COL25A1: variants seen among roughly 807,000 people sequenced by gnomAD.
COL25A1 encodes the protein collagen alpha-1(XXV) chain.
In COL25A1, 103 loss-of-function variants were observed where a neutral mutation model predicts 128.4. That is an observed-to-expected ratio of 0.80 (90% confidence interval 0.68 to 0.94). COL25A1 has a LOEUF of 0.94. COL25A1 is among the 40% of genes least tolerant of loss of function. The probability of loss-of-function intolerance (pLI) is 0.00; values close to 1 mark genes in which losing one functional copy is unlikely to be tolerated. For missense variants in COL25A1, 745 were observed against 840.0 expected, an observed-to-expected ratio of 0.89 and a Z score of 1.40; for synonymous variants, 279 against 277.2, an observed-to-expected ratio of 1.01 and a Z score of -0.06.
At chr4:109,027,277 G>T (rs942807887) in intron 5 of COL25A1, among the ~76,000 whole-genome samples, 5 of 152,092 alleles carry the variant, frequency 3.3e-5, no homozygotes, top group African/African-American at 9.7e-5. Context: ...GGGTGGTCAT[G>T]GGGGGGCCTT....
At chr4:109,008,343 T>C (rs10020151) in intron 6 of COL25A1, among the ~76,000 whole-genome samples, 39,029 of 152,100 alleles carry the variant, frequency 0.26, 5,510 homozygotes, top group East Asian at 0.45. Flanking sequence ...CTCAGCAGGA[T>C]TGAGCCCCAT....
chr4:109,135,784 T>G (rs1043148169), intron 3 of COL25A1, among the ~76,000 whole-genome samples: 2 of 152,214 alleles, frequency 1.3e-5, no homozygotes, highest in Non-Finnish European at 2.9e-5. Context: ...TTGGGTTTTT[T>G]TCCCCCAAAG....
intron 3 of COL25A1, among the ~76,000 whole-genome samples, chr4:109,271,617 A>T (rs887513252): frequency 2.0e-5 from 3 of 152,170 alleles, no homozygotes; most frequent in African/African-American, 2.4e-5. Context: ...ATTAAATGTT[A>T]TTGAGTGTCA....
intron 3 of COL25A1, among the ~76,000 whole-genome samples, chr4:109,279,343 C>CT (rs1422598574): frequency 1.3e-5 from 2 of 152,138 alleles, no homozygotes; most frequent in Non-Finnish European, 2.9e-5. Context: ...GGTGCAGTGA[C>CT]TCATGCCAGT....
intron 5 of COL25A1, among the ~76,000 whole-genome samples, chr4:109,024,184 T>C (rs1450262820): frequency 6.6e-6 from 1 of 152,082 alleles, no homozygotes; most frequent in Non-Finnish European, 1.5e-5. Context: ...GGCTAAGCTA[T>C]GATGGGCAGT....
chr4:109,141,733 A>G (rs1770424874), intron 3 of COL25A1, among the ~76,000 whole-genome samples: 2 of 152,192 alleles, frequency 1.3e-5, no homozygotes, highest in African/African-American at 4.8e-5. Flanking sequence ...AGGTGTTTAT[A>G]GTATTCTCTG....
chr4:109,104,274 G>A (rs1447691378), intron 3 of COL25A1, among the ~76,000 whole-genome samples: 2 of 152,108 alleles, frequency 1.3e-5, no homozygotes, highest in African/African-American at 2.4e-5. Context: ...TTGGGATGCT[G>A]AGGTGGGAGA....
intron 3 of COL25A1, among the ~76,000 whole-genome samples, chr4:109,136,126 G>A (rs749565437): frequency 8.5e-5 from 13 of 152,244 alleles, no homozygotes; most frequent in African/African-American, 7.2e-5. Context: ...GGCCAGGCAC[G>A]GTGGCTCACA....
intron 13 of COL25A1, among the ~76,000 whole-genome samples, chr4:108,915,155 A>G (rs147260130): frequency 6.6e-6 from 1 of 152,326 alleles, no homozygotes; most frequent in Non-Finnish European, 1.5e-5. Context: ...CCTTTCTCCT[A>G]ATACAGTCAG....
At chr4:109,087,253 A>G (rs1764483947) in intron 3 of COL25A1, among the ~76,000 whole-genome samples, 1 of 152,262 alleles carries the variant, frequency 6.6e-6, no homozygotes, top group South Asian at 2.1e-4. Context: ...AAAAAAAAAA[A>G]ATCAAAACCA....
chr4:108,969,022 C>G (rs1751627963), intron 8 of COL25A1, among the ~76,000 whole-genome samples: 1 of 152,104 alleles, frequency 6.6e-6, no homozygotes, highest in South Asian at 2.1e-4. Flanking sequence ...AACCTGACTA[C>G]AACTCCAGGG....
chr4:108,944,696 C>CAAA (rs34005319), intron 8 of COL25A1, among the ~76,000 whole-genome samples: 4 of 143,332 alleles, frequency 2.8e-5, no homozygotes, highest in African/African-American at 7.6e-5. Flanking sequence ...AAAATGCTCA[C>CAAA]AAAAAAAAAA....
Position 109,128,182 on chromosome 4 carries a change from C to T in COL25A1, c.368-78003G>A, listed in dbSNP as rs561901883. Among the ~76,000 whole-genome samples, 10 of 152,196 alleles carry T rather than the reference C, an allele frequency of 6.6e-5. No homozygotes were observed. The East Asian group carries it at 1.4e-3, about 21-fold the overall frequency. On this transcript the variant is annotated intron_variant, in intron 3 of 37. Coordinates refer to ENST00000399132, the MANE Select transcript of COL25A1 (RefSeq NM_198721.4). ...CCTTTGTAGAAACTAAAACTAACAG[C>T]GTATGTCCCTGAGTTGTTTTTCAGA...
chr4:109,155,223 CCTT>C (rs1157985332), intron 3 of COL25A1, among the ~76,000 whole-genome samples: 1 of 152,288 alleles, frequency 6.6e-6, no homozygotes, highest in Admixed American at 6.5e-5. Flanking sequence ...CAATTCCTCT[CCTT>C]CTTCTACAAG....
intron 3 of COL25A1, among the ~76,000 whole-genome samples, chr4:109,113,418 G>A (rs1054630652): frequency 9.4e-6 from 1 of 105,890 alleles, no homozygotes; most frequent in Non-Finnish European, 2.6e-5. Flanking sequence ...TAACATATAT[G>A]GATTTTGTGT....
At chr4:109,238,797 G>A (rs1779636866) in intron 3 of COL25A1, among the ~76,000 whole-genome samples, 1 of 152,008 alleles carries the variant, frequency 6.6e-6, no homozygotes, top group African/African-American at 2.4e-5. Context: ...AGATTCCAGA[G>A]GGTCTGCCAA....
At chr4:108,875,748 A>C (rs1336107283) in intron 19 of COL25A1, among the ~76,000 whole-genome samples, 1 of 152,198 alleles carries the variant, frequency 6.6e-6, no homozygotes, top group African/African-American at 2.4e-5. Flanking sequence ...TGCTACTATA[A>C]AGGCACATGC....
chr4:109,124,974 G>C (rs561247107), intron 3 of COL25A1, among the ~76,000 whole-genome samples: 2 of 151,964 alleles, frequency 1.3e-5, no homozygotes, highest in East Asian at 3.9e-4. Context: ...ATTTGTCATG[G>C]TAACTTAATA....
chr4:108,933,438 T>A (rs892666566), intron 11 of COL25A1, among the ~76,000 whole-genome samples: 10 of 152,176 alleles, frequency 6.6e-5, no homozygotes, highest in Non-Finnish European at 1.3e-4. Flanking sequence ...TAATGTAAGA[T>A]GATATGATAT....
Sources: allele counts gnomAD v4.1 joint callset (sites outside exome capture counted in the v4.1 genomes callset), GRCh38; gene constraint gnomAD v4.1.1; transcripts MANE v1.5; gene names NCBI Gene and HGNC (gene_info 2026-07-23, HGNC 2026-07-21).